TMEM132D: variants seen among roughly 807,000 people sequenced by gnomAD.
The protein encoded by TMEM132D is mature OL transmembrane protein.
TMEM132D carries 21 observed loss-of-function variants against 62.3 expected under a neutral mutation model. That is an observed-to-expected ratio of 0.34 (90% CI 0.24 to 0.49). The LOEUF (loss-of-function observed/expected upper bound fraction) is 0.49, where lower values mean the gene tolerates loss of function less well. TMEM132D is among the 20% of genes least tolerant of loss of function. The probability of loss-of-function intolerance (pLI) is 0.99; values close to 1 mark genes in which losing one functional copy is unlikely to be tolerated. For synonymous variants in TMEM132D, 621 were observed against 575.6 expected (o/e 1.08, Z -1.13); for missense variants, 1,346 against 1,402.8 (o/e 0.96, Z 0.65).
chr12:129,083,992 A>G (rs984720240), intron 6 of TMEM132D, among the ~76,000 whole-genome samples: 3 of 152,196 alleles, frequency 2.0e-5, no homozygotes, highest in African/African-American at 7.2e-5. Flanking sequence ...GAGCGCAGAG[A>G]GGCAGTTCAG....
chr12:129,183,710 G>C (rs907935858), intron 5 of TMEM132D, among the ~76,000 whole-genome samples: 1 of 152,244 alleles, frequency 6.6e-6, no homozygotes, highest in African/African-American at 2.4e-5. Flanking sequence ...CCAGTGTCTT[G>C]TCAAAGGGAC....
intron 3 of TMEM132D, among the ~76,000 whole-genome samples, chr12:129,352,805 T>C (rs991108535): frequency 6.6e-6 from 1 of 152,180 alleles, no homozygotes; most frequent in African/African-American, 2.4e-5. Flanking sequence ...GGTTTTACAC[T>C]GTTGGTGGGA....
chr12:129,428,042 T>A (rs1044626247), intron 3 of TMEM132D, among the ~76,000 whole-genome samples: 7 of 151,920 alleles, frequency 4.6e-5, no homozygotes, highest in Non-Finnish European at 8.8e-5. Flanking sequence ...TGATTCCACC[T>A]ACCCAATAAA....
At chr12:129,766,835 A>C (rs1045604338) in intron 1 of TMEM132D, among the ~76,000 whole-genome samples, 3 of 152,128 alleles carry the variant, frequency 2.0e-5, no homozygotes, top group African/African-American at 7.2e-5. Context: ...TAAAACCTGA[A>C]AGAGGTGCAG....
chr12:129,683,961 G>T (rs1880845877), intron 2 of TMEM132D, among the ~76,000 whole-genome samples: 1 of 152,076 alleles, frequency 6.6e-6, no homozygotes, highest in African/African-American at 2.4e-5. Context: ...TATAGTACAG[G>T]GTGAAGCTAT....
At chr12:129,333,048 C>G (rs1869160542) in intron 4 of TMEM132D, among the ~76,000 whole-genome samples, 1 of 151,974 alleles carries the variant, frequency 6.6e-6, no homozygotes. Flanking sequence ...AGATTTATAA[C>G]AAAGGTCTAA....
At chr12:129,495,659 C>T (rs1279955156) in intron 3 of TMEM132D, among the ~76,000 whole-genome samples, 1 of 152,210 alleles carries the variant, frequency 6.6e-6, no homozygotes, top group African/African-American at 2.4e-5. Flanking sequence ...TCCCCTCCAA[C>T]ACTGGGAGAG....
rs185680658 is a variant in TMEM132D at position 129,370,816 on chromosome 12, G to T, written c.1116-32999C>A. Among the ~76,000 whole-genome samples, 402 of 152,328 alleles carry T rather than the reference G, an allele frequency of 2.6e-3. 1 individual carries two copies. The highest frequency in any genetic ancestry group is 4.7e-3 in the Non-Finnish European group (320 of 68,036). ...ATTGTGTGTTCTCACTCATGTGGGA[G>T]CAGACATAGTGTCTCTCATAAAGGT... On this transcript the variant is annotated intron_variant, in intron 3 of 8. Transcript: ENST00000422113.
intron 3 of TMEM132D, among the ~76,000 whole-genome samples, chr12:129,410,808 A>G (rs1251858016): frequency 1.3e-5 from 2 of 152,220 alleles, no homozygotes; most frequent in East Asian, 3.8e-4. Flanking sequence ...CTTTACATAT[A>G]TAAACTTGTC....
At chr12:129,766,863 G>A (rs1425081475) in intron 1 of TMEM132D, among the ~76,000 whole-genome samples, 1 of 152,136 alleles carries the variant, frequency 6.6e-6, no homozygotes, top group East Asian at 1.9e-4. Context: ...AGCTCCATAA[G>A]AGACGCCCAC....
chr12:129,393,464 G>A (rs1566055169), intron 3 of TMEM132D, among the ~76,000 whole-genome samples: 1 of 152,192 alleles, frequency 6.6e-6, no homozygotes, highest in South Asian at 2.1e-4. Flanking sequence ...TGAAGGTGGT[G>A]GCTGAGAGTG....
chr12:129,722,950 T>G (rs549818002), intron 1 of TMEM132D, among the ~76,000 whole-genome samples: 6 of 151,872 alleles, frequency 4.0e-5, no homozygotes, highest in Non-Finnish European at 8.8e-5. Context: ...CCATGTTGGC[T>G]AGGCTGGTCT....
Position 129,575,555 on chromosome 12 carries a change from CTG to C in TMEM132D, c.969-44352_969-44351del, listed in dbSNP as rs1356472033. Among the ~76,000 whole-genome samples, 6 of 151,874 alleles carry C rather than the reference CTG, an allele frequency of 4.0e-5. 1 individual carries two copies. Among genetic ancestry groups the C allele is most frequent in the Admixed American group, 3.9e-4 (6 of 15,264 alleles). On this transcript the variant is annotated intron_variant, in intron 2 of 8. Transcript: ENST00000422113. ...GTGAGCGCTGCGTCCATGTGCCAGA[CTG>C]AGAAGTCCTGCCTTGCTAAAATCCG... is the stretch of plus-strand genomic sequence containing the variant.
At position 129,769,532 on chromosome 12, in the gene TMEM132D, G is replaced by A. The variant is rs73160209; in HGVS notation, c.80-68834C>T. Among the ~76,000 whole-genome samples, 781 of 152,240 alleles carry A rather than the reference G, an allele frequency of 5.1e-3. 5 individuals carry two copies. Among genetic ancestry groups the A allele is most frequent in the Admixed American group, 8.3e-3 (127 of 15,290 alleles). ...ACTTGGGTGGGTACACAGCCAAACC[G>A]TATCAGTCCCTGACATGTCAGAAGG... On this transcript the variant is annotated intron_variant, in intron 1 of 8. Coordinates refer to ENST00000422113, the MANE Select transcript of TMEM132D (RefSeq NM_133448.3).
chr12:129,828,691 G>A (rs1338824205), intron 1 of TMEM132D, among the ~76,000 whole-genome samples: 9 of 10,790 alleles, frequency 8.3e-4, no homozygotes, highest in Admixed American at 3.9e-3. Context: ...GAGGAAGGAA[G>A]GGAGGGAGGG....
chr12:129,824,462 G>A (rs1391908113), intron 1 of TMEM132D, among the ~76,000 whole-genome samples: 1 of 151,826 alleles, frequency 6.6e-6, no homozygotes, highest in Non-Finnish European at 1.5e-5. Context: ...GAATTCCTAT[G>A]TTGAAGCCCT....
intron 2 of TMEM132D, among the ~76,000 whole-genome samples, chr12:129,572,501 TG>T (rs1877543740): frequency 6.6e-6 from 1 of 152,118 alleles, no homozygotes; most frequent in African/African-American, 2.4e-5. Flanking sequence ...CAGGCTGGAG[TG>T]CAGTGGCACA....
chr12:129,509,799 G>A (rs1875444223), intron 3 of TMEM132D, among the ~76,000 whole-genome samples: 1 of 152,092 alleles, frequency 6.6e-6, no homozygotes, highest in Admixed American at 6.6e-5. Context: ...CAAATGATAA[G>A]AGCTCATTCT....
intron 3 of TMEM132D, among the ~76,000 whole-genome samples, chr12:129,406,704 A>T (rs1411292482): frequency 6.6e-6 from 1 of 152,018 alleles, no homozygotes; most frequent in Non-Finnish European, 1.5e-5. Flanking sequence ...CACTAAAGAG[A>T]TAACAGAAAA....
Sources: gnomAD v4.1 joint callset for allele counts (sites outside exome capture counted in the v4.1 genomes callset) on GRCh38, gnomAD v4.1.1 for gene constraint, MANE v1.5 for transcripts, NCBI Gene and HGNC (gene_info 2026-07-23, HGNC 2026-07-21) for gene names.